The following CTNNA2 variants were observed in gnomAD, a reference collection of about 807,000 sequenced individuals.
The protein encoded by CTNNA2 is catenin alpha-2.
In CTNNA2, 42 loss-of-function variants were observed where a neutral mutation model predicts 101.0. That is an observed-to-expected ratio of 0.42 (90% CI 0.32 to 0.54). The LOEUF is 0.54. Among genes scored for constraint, CTNNA2 ranks in the 20% least tolerant of loss-of-function variants. The pLI, the probability that CTNNA2 is intolerant of heterozygous loss-of-function variation, is 0.14. For missense variants in CTNNA2, 871 were observed against 1,223.1 expected, an observed-to-expected ratio of 0.71 and a Z score of 4.29; for synonymous variants, 450 against 456.4, an observed-to-expected ratio of 0.99 and a Z score of 0.18.
intron 2 of CTNNA2, among the ~76,000 whole-genome samples, chr2:79,727,222 T>C (rs1686901447): frequency 6.6e-6 from 1 of 152,240 alleles, no homozygotes; most frequent in South Asian, 2.1e-4. Flanking sequence ...GCTAATTTAG[T>C]GGTACTATAC....
chr2:79,705,104 C>T (rs1462389763), intron 2 of CTNNA2, among the ~76,000 whole-genome samples: 19 of 152,092 alleles, frequency 1.2e-4, no homozygotes, highest in Non-Finnish European at 1.5e-5. Context: ...TGCTACTAAA[C>T]ATCCTATCAT....
intron 7 of CTNNA2, among the ~76,000 whole-genome samples, chr2:80,388,945 A>G (rs944051634): frequency 2.6e-5 from 4 of 152,200 alleles, no homozygotes; most frequent in Non-Finnish European, 4.4e-5. Context: ...ACTGAACTGG[A>G]GATTCTGCCC....
chr2:79,464,027 C>T (rs1335878098), intron 4 of CTNNA2, among the ~76,000 whole-genome samples: 1 of 151,346 alleles, frequency 6.6e-6, no homozygotes, highest in Non-Finnish European at 1.5e-5. Context: ...GTACATTGTG[C>T]ACAATATGCA....
intron 4 of CTNNA2, among the ~76,000 whole-genome samples, chr2:79,466,269 A>T (rs1197002980): frequency 6.6e-6 from 1 of 152,070 alleles, no homozygotes; most frequent in Non-Finnish European, 1.5e-5. Context: ...GCCCATGGAG[A>T]CTCGCTCATT....
chr2:79,399,617 GC>G (rs1347987507), intron 4 of CTNNA2, among the ~76,000 whole-genome samples: 1 of 152,022 alleles, frequency 6.6e-6, no homozygotes, highest in African/African-American at 2.4e-5. Context: ...GTAACAACAA[GC>G]CCAGGTGTGT....
At chr2:80,007,261 T>A (rs995793890) in intron 7 of CTNNA2, among the ~76,000 whole-genome samples, 2 of 152,118 alleles carry the variant, frequency 1.3e-5, no homozygotes, top group African/African-American at 4.8e-5. Context: ...ATAATCAATT[T>A]TCAAAACCGA....
intron 8 of CTNNA2, among the ~76,000 whole-genome samples, chr2:80,414,078 T>C (rs1310946304): frequency 6.6e-6 from 1 of 152,256 alleles, no homozygotes; most frequent in South Asian, 2.1e-4. Context: ...CATAGCCAAT[T>C]CTGCCTAAAG....
chr2:79,437,593 G>A (rs1678730654), intron 4 of CTNNA2, among the ~76,000 whole-genome samples: 1 of 152,126 alleles, frequency 6.6e-6, no homozygotes, highest in Non-Finnish European at 1.5e-5. Context: ...AGCCCTGCAG[G>A]CAGTTCTGAC....
intron 7 of CTNNA2, among the ~76,000 whole-genome samples, chr2:79,982,098 G>T (rs1377680106): frequency 6.7e-6 from 1 of 148,436 alleles, no homozygotes; most frequent in Non-Finnish European, 1.5e-5. Context: ...GAGTGCAGTG[G>T]CATGATCACA....
intron 7 of CTNNA2, among the ~76,000 whole-genome samples, chr2:80,157,165 G>A (rs1359471210): frequency 2.6e-5 from 4 of 152,056 alleles, no homozygotes; most frequent in African/African-American, 9.7e-5. Context: ...CTTCATCTCA[G>A]GGTAGAAAAA....
At chr2:79,636,078 G>A (rs1423655298) in intron 1 of CTNNA2, among the ~76,000 whole-genome samples, 1 of 144,158 alleles carries the variant, frequency 6.9e-6, no homozygotes, top group Non-Finnish European at 1.5e-5. Context: ...TGGCTAACAC[G>A]GTGAAACCCC....
intron 2 of CTNNA2, among the ~76,000 whole-genome samples, chr2:79,270,602 C>G (rs1675058734): frequency 6.6e-6 from 1 of 152,008 alleles, no homozygotes; most frequent in African/African-American, 2.4e-5. Context: ...CTGTTCCTCT[C>G]TATGCAGCTC....
intron 7 of CTNNA2, chr2:80,305,349 A>C: frequency 4.1e-6 from 4 of 985,326 alleles, no homozygotes; most frequent in Non-Finnish European, 4.8e-6. Context: ...GGGAGACTTG[A>C]CTGAGATCCC....
At position 79,858,072 on chromosome 2, in the gene CTNNA2, C is replaced by T. The variant is rs766045574; in HGVS notation, c.358C>T (p.Arg120Cys). The T allele has an allele frequency of 1.4e-5, 23 of 1,614,118 alleles. No individual in the cohort carries two copies. Among genetic ancestry groups the T allele is most frequent in the Middle Eastern group, 1.6e-4 (1 of 6,062 alleles). ...FADDPCSSVK[R>C]GTMVRAARAL... is the part of the protein sequence containing the mutation. Reference sequence around the variant, plus strand: ...AGATGACCCTTGCTCGTCGGTAAAGCGCGGCACCATGGTACGGGCGGCAAG... The same window carrying T: ...AGATGACCCTTGCTCGTCGGTAAAGTGCGGCACCATGGTACGGGCGGCAAG... The change falls in exon 4 of 19, where the codon CGC becomes TGC. Residue 120 changes from arginine (R) to cysteine (C), a missense_variant. Around this residue, in one of 5 missense-constraint regions of CTNNA2, gnomAD observed 647 missense variants for 831.5 expected, o/e 0.78. Transcript: ENST00000402739.
rs545195854 is a variant in CTNNA2, at chr2:80,133,983, G to A, written c.1056+224186G>A. Among the ~76,000 whole-genome samples the A allele has an allele frequency of 9.2e-5, 14 of 152,284 alleles. No homozygotes were observed. In the South Asian group the frequency reaches 1.7e-3, roughly 18 times the overall value. ...ATTAGTGCCTGTCTATTAGGTCATG[G>A]TGAGGGTTAAATGAGATAATGCACT... is the stretch of plus-strand genomic sequence containing the variant. On this transcript the variant is annotated intron_variant, in intron 7 of 18. Transcript: ENST00000402739.
intron 7 of CTNNA2, among the ~76,000 whole-genome samples, chr2:80,345,755 T>A (rs981611711): frequency 5.9e-5 from 9 of 152,014 alleles, no homozygotes; most frequent in Admixed American, 3.3e-4. Flanking sequence ...CTATGGAAAC[T>A]TTTTTTTAGA....
At chr2:79,879,332 G>A (rs1482764708) in intron 6 of CTNNA2, among the ~76,000 whole-genome samples, 1 of 151,118 alleles carries the variant, frequency 6.6e-6, no homozygotes, top group Non-Finnish European at 1.5e-5. Flanking sequence ...ATTTAAAGTA[G>A]TTTCTTTTTC....
chr2:79,213,858 C>A (rs1674210564), intron 2 of CTNNA2, among the ~76,000 whole-genome samples: 1 of 152,114 alleles, frequency 6.6e-6, no homozygotes, highest in African/African-American at 2.4e-5. Flanking sequence ...GTTATGAGAA[C>A]TGTAGAGAGT....
intron 1 of CTNNA2, among the ~76,000 whole-genome samples, chr2:79,548,805 C>T (rs905026741): frequency 9.9e-5 from 15 of 152,270 alleles, no homozygotes; most frequent in African/African-American, 3.4e-4. Flanking sequence ...GTTCAGCTGG[C>T]CTGGCCTGCC....
Sources: gnomAD v4.1 joint callset for allele counts (sites outside exome capture counted in the v4.1 genomes callset) on GRCh38, gnomAD v4.1.1 for gene constraint, gnomAD v4.1.1 regional missense constraint, MANE v1.5 for transcripts, NCBI Gene and HGNC (gene_info 2026-07-23, HGNC 2026-07-21) for gene names.